Variants in SLC25A21 observed in about 807,000 individuals in gnomAD.
SLC25A21 encodes mitochondrial 2-oxodicarboxylate carrier.
A neutral mutation model predicts 43.8 loss-of-function variants in SLC25A21; 47 were observed. That is an observed-to-expected ratio of 1.07 (90% CI 0.85 to 1.37). The LOEUF (loss-of-function observed/expected upper bound fraction) is 1.37, where lower values mean the gene tolerates loss of function less well. Among genes scored for constraint, SLC25A21 ranks in the 40% most tolerant of loss-of-function variants. The pLI, the probability that SLC25A21 is intolerant of heterozygous loss-of-function variation, is 0.00. For synonymous variants in SLC25A21, 131 were observed against 121.3 expected, an observed-to-expected ratio of 1.08 and a Z score of -0.52; for missense variants, 352 against 350.2, an observed-to-expected ratio of 1.00 and a Z score of -0.04.
At chr14:37,054,114 A>C (rs75669642) in intron 1 of SLC25A21, among the ~76,000 whole-genome samples, 3,974 of 152,306 alleles carry the variant, frequency 0.026, 70 homozygotes, top group Middle Eastern at 0.048. Context: ...CTAGGTTACA[A>C]TAAGCCTTGC....
In SLC25A21 at chr14:36,961,218, G is replaced by T. The variant is rs933283165; in HGVS notation, c.71-86214C>A. On this transcript the variant is annotated intron_variant, in intron 1 of 9. Coordinates refer to ENST00000331299, the MANE Select transcript of SLC25A21 (RefSeq NM_030631.4). ...CTTCCGCACGTGTTTTCGTTTTTTG[G>T]TTTTTTTTTTTGAGACGGAGCCTCG... Among the ~76,000 whole-genome samples the T allele has an allele frequency of 1.4e-4, 21 of 147,710 alleles. No individual in the cohort carries two copies. In the South Asian group the frequency reaches 2.8e-3, roughly 20 times the overall value.
rs902358563 is a variant in SLC25A21 at position 36,889,643 on chromosome 14, T to C, written c.71-14639A>G. 4.6e-5 allele frequency among the ~76,000 whole-genome samples: 7 copies of C among 151,662 alleles called. No homozygotes were observed. The East Asian group carries it at 1.2e-3, about 25-fold the overall frequency. On this transcript the variant is annotated intron_variant, in intron 1 of 9. Coordinates refer to ENST00000331299, the MANE Select transcript of SLC25A21 (RefSeq NM_030631.4). ...CTAGGATTACAGGCATGTACCACTA[T>C]GCTCAGCTATTTTTTAATTTTATTT...
At chr14:36,721,792 C>T (rs1364376142) in intron 6 of SLC25A21, among the ~76,000 whole-genome samples, 3 of 152,238 alleles carry the variant, frequency 2.0e-5, no homozygotes, top group Non-Finnish European at 4.4e-5. Context: ...AGGGCTTGAT[C>T]TTGGCAGAGC....
chr14:37,047,736 A>G (rs1183378738), intron 1 of SLC25A21, among the ~76,000 whole-genome samples: 2 of 152,248 alleles, frequency 1.3e-5, no homozygotes, highest in Admixed American at 6.5e-5. Context: ...CTAGAAAACA[A>G]AAGTGTTTTA....
intron 3 of SLC25A21, among the ~76,000 whole-genome samples, chr14:36,800,777 A>G (rs550237145): frequency 6.6e-6 from 1 of 152,338 alleles, no homozygotes; most frequent in South Asian, 2.1e-4. Flanking sequence ...AAAAAAAATT[A>G]AAGTCCCAGT....
At chr14:36,991,864 G>C (rs142346484) in intron 1 of SLC25A21, among the ~76,000 whole-genome samples, 1 of 152,178 alleles carries the variant, frequency 6.6e-6, no homozygotes, top group African/African-American at 2.4e-5. Context: ...AGAATCAAGT[G>C]CTTCTTGGAC....
At chr14:36,920,823 C>T (rs1891960379) in intron 1 of SLC25A21, among the ~76,000 whole-genome samples, 1 of 152,020 alleles carries the variant, frequency 6.6e-6, no homozygotes, top group Non-Finnish European at 1.5e-5. Flanking sequence ...AAGAGGAGCA[C>T]TAGCAATTTC....
intron 7 of SLC25A21, among the ~76,000 whole-genome samples, chr14:36,697,184 G>A (rs1883066386): frequency 6.6e-6 from 1 of 152,170 alleles, no homozygotes; most frequent in South Asian, 2.1e-4. Flanking sequence ...AGTCACTCAG[G>A]AGCAAGTTGT....
chr14:37,049,963 T>C (rs950819342), intron 1 of SLC25A21, among the ~76,000 whole-genome samples: 3 of 152,232 alleles, frequency 2.0e-5, no homozygotes, highest in Non-Finnish European at 4.4e-5. Flanking sequence ...AGTACAGCTA[T>C]AGACTGTAAT....
At chr14:37,067,836 T>C (rs1247992380) in intron 1 of SLC25A21, among the ~76,000 whole-genome samples, 1 of 152,242 alleles carries the variant, frequency 6.6e-6, no homozygotes, top group Non-Finnish European at 1.5e-5. Context: ...ATGTATATTA[T>C]AAAATGTGCA....
At chr14:36,705,337 G>A (rs557399085) in intron 7 of SLC25A21, among the ~76,000 whole-genome samples, 4 of 151,654 alleles carry the variant, frequency 2.6e-5, no homozygotes, top group South Asian at 2.1e-4. Context: ...GAGCCACTGC[G>A]TCCGGCGGCT....
chr14:37,013,894 T>C (rs1467342647), intron 1 of SLC25A21, among the ~76,000 whole-genome samples: 1 of 152,176 alleles, frequency 6.6e-6, no homozygotes, highest in South Asian at 2.1e-4. Flanking sequence ...TCCCAGTGCA[T>C]ATAAAAGTTA....
At chr14:36,953,871 G>C (rs965491748) in intron 1 of SLC25A21, among the ~76,000 whole-genome samples, 2 of 152,154 alleles carry the variant, frequency 1.3e-5, no homozygotes, top group Non-Finnish European at 2.9e-5. Flanking sequence ...ACATGCTTAA[G>C]TGTATATTAT....
At chr14:36,734,701 T>C in intron 3 of SLC25A21, 128 bp from the exon 4 acceptor site, 1 of 675,148 alleles carries the variant, frequency 1.5e-6, no homozygotes, top group African/African-American at 1.8e-5. Flanking sequence ...AGTCTTCCTT[T>C]CATTCTAAAA....
At chr14:36,751,409 T>C (rs1239925706) in intron 3 of SLC25A21, among the ~76,000 whole-genome samples, 1 of 152,212 alleles carries the variant, frequency 6.6e-6, no homozygotes, top group Non-Finnish European at 1.5e-5. Context: ...AAGTCAGGCT[T>C]CTCTGGTGTT....
At chr14:37,124,776 G>T (rs1026505536) in intron 1 of SLC25A21, among the ~76,000 whole-genome samples, 2 of 152,134 alleles carry the variant, frequency 1.3e-5, no homozygotes, top group Non-Finnish European at 2.9e-5. Flanking sequence ...TTCCCACTTG[G>T]TGCTGTTCTC....
intron 1 of SLC25A21, among the ~76,000 whole-genome samples, chr14:36,904,651 T>C (rs1189980120): frequency 2.0e-5 from 3 of 152,182 alleles, no homozygotes; most frequent in South Asian, 4.1e-4. Context: ...CTTACAATCA[T>C]GGCAAAAGGA....
At chr14:36,721,256 T>C (rs1884363935) in intron 6 of SLC25A21, among the ~76,000 whole-genome samples, 1 of 152,250 alleles carries the variant, frequency 6.6e-6, no homozygotes, top group African/African-American at 2.4e-5. Flanking sequence ...CAGGCCATAC[T>C]GACAGCTTTA....
chr14:36,990,888 G>C (rs935292051), intron 1 of SLC25A21, among the ~76,000 whole-genome samples: 2 of 149,624 alleles, frequency 1.3e-5, no homozygotes, highest in Non-Finnish European at 2.9e-5. Context: ...CTGGGCAACA[G>C]AGTGAGACCC....
Sources: allele counts gnomAD v4.1 joint callset (sites outside exome capture counted in the v4.1 genomes callset), GRCh38; gene constraint gnomAD v4.1.1; transcripts MANE v1.5; gene names NCBI Gene and HGNC (gene_info 2026-07-23, HGNC 2026-07-21).